ATP2B3: variants seen among roughly 807,000 people sequenced by gnomAD.
ATP2B3 encodes the protein ATPase plasma membrane Ca2+ transporting 3.
A neutral mutation model predicts 70.8 loss-of-function variants in ATP2B3; 12 were observed. That is an observed-to-expected ratio of 0.17 (90% confidence interval 0.11 to 0.27). The LOEUF is 0.27. Ranked by LOEUF, ATP2B3 falls within the 10% of genes least tolerant of loss-of-function variation. The probability of loss-of-function intolerance (pLI) is 1.00; values close to 1 mark genes in which losing one functional copy is unlikely to be tolerated. For missense variants in ATP2B3, 858 were observed against 1,118.5 expected (o/e 0.77, Z 3.32); for synonymous variants, 460 against 497.8 (o/e 0.92, Z 1.01).
chrX:153,576,844 C>T (rs1179498172), intron 21 of ATP2B3, among the ~76,000 whole-genome samples: 2 of 112,072 alleles, frequency 1.8e-5, no homozygotes, highest in Admixed American at 9.4e-5. Flanking sequence ...CTCTTAGAAA[C>T]GTTTGTTGCT....
chrX:153,530,660 G>A (rs1304921460), intron 2 of ATP2B3, among the ~76,000 whole-genome samples: 1 of 110,588 alleles, frequency 9.0e-6, no homozygotes, highest in Non-Finnish European at 1.9e-5. Context: ...GCAGGGCAGA[G>A]CTTCAGGCAG....
chrX:153,558,627 G>T (rs1343581237), intron 17 of ATP2B3, among the ~76,000 whole-genome samples: 1 of 111,497 alleles, frequency 9.0e-6, no homozygotes, highest in Non-Finnish European at 1.9e-5. Flanking sequence ...GGCTTCCTGG[G>T]TCTATGGATT....
chrX:153,548,219 C>T (rs1224049972), intron 9 of ATP2B3, among the ~76,000 whole-genome samples: 1 of 112,781 alleles, frequency 8.9e-6, no homozygotes, highest in Non-Finnish European at 1.9e-5. Context: ...CGACGAAAGC[C>T]CGGGTCACAC....
Position 153,560,846 on chromosome X carries a change from C to G in ATP2B3, c.3010C>G (p.Pro1004Ala), listed in dbSNP as rs2124496456. 2 of 1,212,092 alleles carry G rather than the reference C, an allele frequency of 1.7e-6. No homozygotes were observed. The highest frequency in any genetic ancestry group is 2.2e-6 in the Non-Finnish European group (2 of 895,578). ...CGTGTTCGACGGCATCTTCAGCAAC[C>G]CCATCTTCTGCACCATCGTTTTGGG... ...RNVFDGIFSN[P>A]IFCTIVLGTF... is the part of the protein sequence containing the mutation. Residue 1004 changes from proline to alanine, a missense_variant, in exon 19 of 22, where the codon CCC becomes GCC. This residue lies in a region of ATP2B3 where 265 missense variants were observed against 305.3 expected (regional missense o/e 0.87). Transcript: ENST00000263519.
chrX:153,553,062 C>G lies in ATP2B3; in HGVS notation c.1851C>G (p.Gly617=). The change falls in exon 13 of 22, where the codon GGC becomes GGG. Residue 617 remains glycine, a synonymous_variant. Coordinates refer to ENST00000263519, the MANE Select transcript of ATP2B3 (RefSeq NM_001001344.3). ...GCACCAACATCTTGAACAGCAATGG[C>G]GAACTCCGGGGCTTTCGGCCTCGGG... is the stretch of plus-strand genomic sequence containing the variant. ...KKCTNILNSN[G]ELRGFRPRDR... 1 of 1,206,999 alleles carries G rather than the reference C, an allele frequency of 8.3e-7. No individual in the cohort carries two copies. The highest frequency in any genetic ancestry group is 1.1e-6 in the Non-Finnish European group (1 of 891,563).
chrX:153,540,397 CCT>C (rs1282073103), intron 3 of ATP2B3, among the ~76,000 whole-genome samples: 2 of 112,367 alleles, frequency 1.8e-5, no homozygotes, highest in Non-Finnish European at 3.8e-5. Context: ...CATTCCCGTG[CCT>C]CTCTCTCTCC....
At chrX:153,571,132 G>A (rs945264787) in intron 21 of ATP2B3, among the ~76,000 whole-genome samples, 8 of 112,026 alleles carry the variant, frequency 7.1e-5, no homozygotes, top group African/African-American at 2.6e-4. Flanking sequence ...GGCTGACACC[G>A]TGGCAGTTGG....
intron 13 of ATP2B3, among the ~76,000 whole-genome samples, chrX:153,555,512 C>G (rs2090520628): frequency 9.0e-6 from 1 of 111,293 alleles, no homozygotes; most frequent in African/African-American, 3.3e-5. Flanking sequence ...GCTGCCTGAC[C>G]CTGTCTCTCT....
intron 21 of ATP2B3, among the ~76,000 whole-genome samples, chrX:153,572,159 C>T (rs782598553): frequency 9.7e-5 from 11 of 112,968 alleles, no homozygotes; most frequent in Middle Eastern, 4.6e-3. Flanking sequence ...CTAGCACCAG[C>T]GCCCACCCTC....
rs1557013533 is a variant in ATP2B3 at position 153,556,328 on chromosome X, C to T, written c.2239-3C>T. The T allele has an allele frequency of 5.0e-6, 6 of 1,208,670 alleles. No individual in the cohort carries two copies. The highest frequency in any genetic ancestry group is 6.7e-6 in the Non-Finnish European group (6 of 894,114). The stretch of plus-strand genomic sequence containing the variant: ...GCAGCGTCCTTGTGCTTCCCCTCCC[C>T]AGATAGAACAGGAGCGGCTGGACAA... On this transcript the variant is annotated splice_polypyrimidine_tract_variant and splice_region_variant and intron_variant, in intron 14 of 21. Coordinates refer to ENST00000263519, the MANE Select transcript of ATP2B3 (RefSeq NM_001001344.3).
At chrX:153,571,450 C>T (rs1252192682) in intron 21 of ATP2B3, among the ~76,000 whole-genome samples, 9 of 112,490 alleles carry the variant, frequency 8.0e-5, no homozygotes, top group South Asian at 3.7e-4. Context: ...CCACTCCACG[C>T]GTTCCTCGAG....
intron 2 of ATP2B3, among the ~76,000 whole-genome samples, chrX:153,527,201 G>A (rs1480297557): frequency 6.2e-5 from 7 of 112,918 alleles, no homozygotes; most frequent in African/African-American, 1.9e-4. Flanking sequence ...CCGACTTGGG[G>A]CACCTCTCCT....
chrX:153,556,865 G>A (rs1407634635), intron 15 of ATP2B3, 52 bp from the exon 16 acceptor site: 1 of 1,129,440 alleles, frequency 8.9e-7, no homozygotes, highest in Admixed American at 2.6e-5. Context: ...GGCTACACAG[G>A]GTTGTGGTGA....
intron 12 of ATP2B3, among the ~76,000 whole-genome samples, chrX:153,552,762 C>T (rs2090476450): frequency 8.9e-6 from 1 of 112,428 alleles, no homozygotes; most frequent in Non-Finnish European, 1.9e-5. Context: ...AGGGCCGAAG[C>T]GCCTCCAAAG....
intron 18 of ATP2B3, among the ~76,000 whole-genome samples, chrX:153,560,380 G>A (rs184577239): frequency 8.9e-6 from 1 of 111,854 alleles, no homozygotes; most frequent in Non-Finnish European, 1.9e-5. Context: ...GTGACCGCAA[G>A]AGAGAGGAAG....
chrX:153,553,342 GC>G, intron 13 of ATP2B3, 73 bp downstream of exon 13: 1 of 970,918 alleles, frequency 1.0e-6, no homozygotes. Flanking sequence ...ACTGGTAGGG[GC>G]GGCCTTCCTT....
In ATP2B3 at chrX:153,549,571, C is replaced by T. The variant is rs1557010408; in HGVS notation, c.1413C>T (p.Cys471=). ...CCATGGGCAACGCCACAGCCATCTGCTCCGACAAGACGGGCACGCTCACCA... is the reference window on the plus strand; with the variant it reads ...CCATGGGCAACGCCACAGCCATCTGTTCCGACAAGACGGGCACGCTCACCA... ...CETMGNATAI[C]SDKTGTLTTN... is the part of the protein sequence containing the mutation. Residue 471 remains cysteine, a synonymous_variant, in exon 11 of 22, where the codon TGC becomes TGT. Coordinates refer to ENST00000263519, the MANE Select transcript of ATP2B3 (RefSeq NM_001001344.3). 1 of 1,212,447 alleles carries T rather than the reference C, an allele frequency of 8.2e-7. No individual in the cohort carries two copies. The highest frequency in any genetic ancestry group is 2.2e-5 in the Admixed American group (1 of 46,137).
At chrX:153,542,999 G>A (rs2090310514) in intron 6 of ATP2B3, 44 bp from the exon 7 acceptor site, 3 of 1,199,080 alleles carry the variant, frequency 2.5e-6, no homozygotes, top group African/African-American at 1.7e-5. Context: ...GTCTCCCACT[G>A]GGTGATACAA....
intron 21 of ATP2B3, among the ~76,000 whole-genome samples, chrX:153,567,454 G>C (rs1231113345): frequency 8.9e-6 from 1 of 112,946 alleles, no homozygotes; most frequent in Admixed American, 9.2e-5. Flanking sequence ...GGGGTGGGGG[G>C]TGAGGACAGC....
Sources: gnomAD v4.1 joint callset for allele counts (sites outside exome capture counted in the v4.1 genomes callset) on GRCh38, gnomAD v4.1.1 for gene constraint, gnomAD v4.1.1 regional missense constraint, MANE v1.5 for transcripts, NCBI Gene and HGNC (gene_info 2026-07-23, HGNC 2026-07-21) for gene names.